LRCH2: variants seen among roughly 807,000 people sequenced by gnomAD.
The protein encoded by LRCH2 is leucine-rich repeat and calponin homology domain-containing protein 2.
A neutral mutation model predicts 68.9 loss-of-function variants in LRCH2; 38 were observed. The observed-to-expected ratio is 0.55, with a 90% CI of 0.43 to 0.72. The LOEUF is 0.72. Among genes scored for constraint, LRCH2 ranks in the 30% least tolerant of loss-of-function variants. The probability of loss-of-function intolerance (pLI) is 0.00; values close to 1 mark genes in which losing one functional copy is unlikely to be tolerated. For synonymous variants in LRCH2, 191 were observed against 208.1 expected (o/e 0.92, Z 0.71); for missense variants, 528 against 572.9 (o/e 0.92, Z 0.80).
chrX:115,154,998 G>A (rs1240888161), intron 12 of LRCH2, among the ~76,000 whole-genome samples: 2 of 89,112 alleles, frequency 2.2e-5, no homozygotes, highest in African/African-American at 8.9e-5. Context: ...TCATCTCCGC[G>A]CCACTGCACT....
At chrX:115,193,690 C>G (rs2072865077) in intron 1 of LRCH2, among the ~76,000 whole-genome samples, 1 of 111,354 alleles carries the variant, frequency 9.0e-6, no homozygotes, top group Non-Finnish European at 1.9e-5. Flanking sequence ...TCAACCCCAC[C>G]ACTGTGGACC....
At chrX:115,178,520 T>C (rs2072667973) in intron 5 of LRCH2, among the ~76,000 whole-genome samples, 1 of 111,191 alleles carries the variant, frequency 9.0e-6, no homozygotes, top group Non-Finnish European at 1.9e-5. Context: ...ACTTAATCCC[T>C]ATATTCAGAG....
intron 14 of LRCH2, among the ~76,000 whole-genome samples, chrX:115,145,928 T>C (rs1364594159): frequency 1.8e-5 from 2 of 112,141 alleles, no homozygotes; most frequent in African/African-American, 3.2e-5. Flanking sequence ...CCAGCAATCC[T>C]ACTGCTGGGT....
chrX:115,159,748 CAAAAA>C (rs71894663), intron 11 of LRCH2, among the ~76,000 whole-genome samples: 1 of 78,975 alleles, frequency 1.3e-5, no homozygotes, highest in African/African-American at 4.8e-5. Context: ...GAGACTGTCT[CAAAAA>C]AAAAAAAAAA....
intron 5 of LRCH2, among the ~76,000 whole-genome samples, chrX:115,174,122 T>C (rs1235271275): frequency 9.0e-6 from 1 of 111,023 alleles, no homozygotes; most frequent in African/African-American, 3.3e-5. Context: ...ACCCTCATGT[T>C]GTTCAAGGAT....
At chrX:115,189,426 C>A in intron 1 of LRCH2, 1 of 1,157,964 alleles carries the variant, frequency 8.6e-7, no homozygotes, top group Admixed American at 2.6e-5. Flanking sequence ...TCTGACCCAC[C>A]ATTCGGCAGG....
chrX:115,181,816 C>T (rs782433127), intron 3 of LRCH2, among the ~76,000 whole-genome samples: 1 of 111,642 alleles, frequency 9.0e-6, no homozygotes, highest in Non-Finnish European at 1.9e-5. Context: ...GAATTTTCTA[C>T]ATAAATTAAA....
At chrX:115,172,215 A>T (rs1460780924) in intron 5 of LRCH2, among the ~76,000 whole-genome samples, 4 of 111,390 alleles carry the variant, frequency 3.6e-5, no homozygotes, top group African/African-American at 1.3e-4. Context: ...ACATAAACAT[A>T]CTTCTCTCTT....
intron 10 of LRCH2, among the ~76,000 whole-genome samples, chrX:115,165,071 T>C (rs2072547025): frequency 9.0e-6 from 1 of 110,747 alleles, no homozygotes; most frequent in Non-Finnish European, 1.9e-5. Flanking sequence ...TCTTAATTGG[T>C]AAAGTGATGT....
chrX:115,187,675 G>A (rs1279557361), intron 2 of LRCH2, among the ~76,000 whole-genome samples: 1 of 112,213 alleles, frequency 8.9e-6, no homozygotes, highest in Non-Finnish European at 1.9e-5. Context: ...CTGACTGCCT[G>A]GCACATGGTA....
At chrX:115,175,376 G>A (rs2072639013) in intron 5 of LRCH2, among the ~76,000 whole-genome samples, 1 of 111,083 alleles carries the variant, frequency 9.0e-6, no homozygotes, top group African/African-American at 3.3e-5. Flanking sequence ...CTACCTTTCT[G>A]TGTAACCACT....
At chrX:115,230,734 T>C (rs1044029554) in intron 1 of LRCH2, among the ~76,000 whole-genome samples, 2 of 112,049 alleles carry the variant, frequency 1.8e-5, no homozygotes, top group African/African-American at 3.2e-5. Flanking sequence ...TGGTTTTGAC[T>C]TTCTTGACAA....
chrX:115,163,648 A>G, intron 11 of LRCH2, 28 bp downstream of exon 11: 1 of 1,069,555 alleles, frequency 9.3e-7, no homozygotes, highest in Middle Eastern at 2.5e-4. Flanking sequence ...AAATTTGCCA[A>G]TTCAAATCTC....
intron 5 of LRCH2, 26 bp from the exon 6 acceptor site, chrX:115,170,458 T>A: frequency 9.7e-7 from 1 of 1,030,324 alleles, no homozygotes; most frequent in Non-Finnish European, 1.3e-6. Context: ...AAAGATTTAA[T>A]TATATAGTTC....
In LRCH2 at chrX:115,111,505, T is replaced by G. The variant is rs1362337308; in HGVS notation, c.*1711A>C. ...ACTAAGGTATTTATTTGCCATTTCT[T>G]ACATATATTACCCAAGTTTTCACTA... On this transcript the variant is annotated 3_prime_UTR_variant, in exon 21 of 21. Coordinates refer to ENST00000317135, the MANE Select transcript of LRCH2 (RefSeq NM_020871.4). The G allele has an allele frequency of 9.0e-6, 1 of 111,005 alleles. No individual in the cohort carries two copies. Among genetic ancestry groups the G allele is most frequent in the Non-Finnish European group, 1.9e-5 (1 of 52,893 alleles). 9.1% of individuals were successfully genotyped at this position (111,005 alleles called of 1,213,427 possible).
intron 1 of LRCH2, among the ~76,000 whole-genome samples, chrX:115,229,748 T>A (rs1007502404): frequency 8.9e-6 from 1 of 111,818 alleles, no homozygotes; most frequent in Non-Finnish European, 1.9e-5. Flanking sequence ...TTCCACTAAA[T>A]GCACTGAGAG....
In LRCH2 at chrX:115,126,855, T is replaced by C; in HGVS notation, c.1779A>G (p.Pro593=). 1 of 1,094,745 alleles carries C rather than the reference T, an allele frequency of 9.1e-7. No homozygotes were observed. The highest frequency in any genetic ancestry group is 1.2e-6 in the Non-Finnish European group (1 of 836,891). 90.2% of individuals were successfully genotyped at this position (1,094,745 alleles called of 1,213,427 possible). A position where few individuals can be genotyped will look rare whatever the true frequency, so the allele number is the denominator to read the frequency against. ...SDNANMSTQS[P]VSSEEYDRTD... Reference sequence around the variant, plus strand: ...ACAGAACTTGTACCTCAGATGATACTGGAGATTGTGTTGACATATTAGCAT... The same window carrying C: ...ACAGAACTTGTACCTCAGATGATACCGGAGATTGTGTTGACATATTAGCAT... The change falls in exon 16 of 21, where the codon CCA becomes CCG. Residue 593 remains proline, a synonymous_variant. Coordinates refer to ENST00000317135, the MANE Select transcript of LRCH2 (RefSeq NM_020871.4).
At chrX:115,182,361 G>A (rs1556553050) in intron 3 of LRCH2, among the ~76,000 whole-genome samples, 1 of 111,152 alleles carries the variant, frequency 9.0e-6, no homozygotes, top group African/African-American at 3.3e-5. Flanking sequence ...ACAAAATAAT[G>A]GTACCTTTTA....
intron 14 of LRCH2, among the ~76,000 whole-genome samples, chrX:115,139,792 G>T (rs782381183): frequency 9.0e-6 from 1 of 111,255 alleles, no homozygotes; most frequent in Non-Finnish European, 1.9e-5. Flanking sequence ...CAGGCATGGC[G>T]GGAGCATTTG....
Sources: gnomAD v4.1 joint callset for allele counts (sites outside exome capture counted in the v4.1 genomes callset) on GRCh38, gnomAD v4.1.1 for gene constraint, MANE v1.5 for transcripts, NCBI Gene and HGNC (gene_info 2026-07-23, HGNC 2026-07-21) for gene names.